The following C6 variants were observed in gnomAD, a reference collection of about 807,000 sequenced individuals.
The protein encoded by C6 is complement C6, also known as complement component C6.
C6 carries 101 observed loss-of-function variants against 112.9 expected under a neutral mutation model. The observed-to-expected ratio is 0.89, with a 90% CI of 0.76 to 1.06. The LOEUF (loss-of-function observed/expected upper bound fraction) is 1.06. Ranked by LOEUF, C6 falls within the 50% of genes least tolerant of loss-of-function variation. The pLI, the probability that C6 is intolerant of heterozygous loss-of-function variation, is 0.00. For missense variants in C6, 1,202 were observed against 1,104.6 expected (o/e 1.09, Z -1.25); for synonymous variants, 431 against 384.1 (o/e 1.12, Z -1.43).
intron 8 of C6, among the ~76,000 whole-genome samples, chr5:41,176,239 T>C (rs957216066): frequency 1.3e-5 from 2 of 152,220 alleles, no homozygotes; most frequent in Non-Finnish European, 2.9e-5. Flanking sequence ...GAGACAAATA[T>C]GATGCCTAAA....
Position 41,172,254 on chromosome 5 carries a change from G to A in C6, c.1262C>T (p.Thr421Ile), listed in dbSNP as rs1221246010. 6.2e-7 allele frequency: 1 copy of A among 1,613,632 alleles called. No individual in the cohort carries two copies. The highest frequency in any genetic ancestry group is 8.5e-7 in the Non-Finnish European group (1 of 1,179,690). Reference protein sequence around the residue: ...AKKTKVEHRCTTNKLSEKHEG... With the variant: ...AKKTKVEHRCITNKLSEKHEG... ...ATGTTTCTCTGACAGCTTGTTGGTG[G>A]TGCACCTATGTTCCACTTTTGTTTT... Residue 421 changes from threonine to isoleucine, a missense_variant, in exon 9 of 18, where the codon ACC (threonine) becomes ATC (isoleucine). Transcript: ENST00000337836.
chr5:41,183,784 G>A (rs527769578), intron 6 of C6, among the ~76,000 whole-genome samples: 2 of 152,292 alleles, frequency 1.3e-5, no homozygotes, highest in East Asian at 3.9e-4. Context: ...TATGTGCCAT[G>A]GAATACTAGC....
intron 1 of C6, among the ~76,000 whole-genome samples, chr5:41,210,809 C>T (rs1037212926): frequency 9.2e-5 from 14 of 152,096 alleles, no homozygotes; most frequent in Admixed American, 2.0e-4. Context: ...CTAGTTCAAC[C>T]ATTGTGGAAG....
At chr5:41,224,265 C>G (rs1580222898) in intron 1 of C6, among the ~76,000 whole-genome samples, 1 of 152,116 alleles carries the variant, frequency 6.6e-6, no homozygotes, top group African/African-American at 2.4e-5. Context: ...ACTTGCCATG[C>G]AATGCACCCA....
intron 5 of C6, among the ~76,000 whole-genome samples, chr5:41,191,066 GC>G (rs1750160277): frequency 3.2e-5 from 2 of 62,068 alleles, no homozygotes; most frequent in Admixed American, 1.9e-4. Context: ...GATGCCTTTG[GC>G]TTTTTTTTTT....
upstream of C6, among the ~76,000 whole-genome samples, chr5:41,215,148 C>T (rs1752154385): frequency 6.6e-6 from 1 of 151,708 alleles, no homozygotes; most frequent in Admixed American, 6.6e-5. Context: ...TTGTAAATAA[C>T]GTTTTATAGG....
At chr5:41,152,485 A>G (rs758728801) in intron 15 of C6, among the ~76,000 whole-genome samples, 17 of 152,180 alleles carry the variant, frequency 1.1e-4, no homozygotes, top group Non-Finnish European at 2.1e-4. Context: ...TTAATTGTCA[A>G]GGCAGGACTG....
At chr5:41,207,462 C>T (rs572779854) in intron 1 of C6, among the ~76,000 whole-genome samples, 18 of 152,048 alleles carry the variant, frequency 1.2e-4, no homozygotes, top group Admixed American at 3.9e-4. Context: ...GACCCATCAG[C>T]GTGCTGTATT....
At chr5:41,206,571 T>G (rs1025374788) in intron 1 of C6, among the ~76,000 whole-genome samples, 6 of 152,114 alleles carry the variant, frequency 3.9e-5, no homozygotes, top group South Asian at 4.1e-4. Flanking sequence ...AAGAACTACA[T>G]GACGCATGCA....
rs1274745629 is a variant in C6 at position 41,143,003 on chromosome 5, G to T, written c.2627C>A (p.Ser876Tyr). The change falls in exon 18 of 18, where the codon TCC becomes TAC. Residue 876 changes from serine to tyrosine, a missense_variant. Ser to Tyr is a moderately radical substitution (Grantham distance 144). Transcript: ENST00000337836. Reference sequence around the variant, plus strand: ...CAATAGGCAGACACATTTGGAAGTGGAGGCTGTAATGAGAGAGAGAGAGAC... The same window carrying T: ...CAATAGGCAGACACATTTGGAAGTGTAGGCTGTAATGAGAGAGAGAGAGAC... ...TCYDWEKCSA[S>Y]TSKCVCLLPP... is the part of the protein sequence containing the mutation. 1 of 1,613,232 alleles carries T rather than the reference G, an allele frequency of 6.2e-7. No individual in the cohort carries two copies. The highest frequency in any genetic ancestry group is 1.1e-5 in the South Asian group (1 of 91,060).
intron 17 of C6, among the ~76,000 whole-genome samples, chr5:41,146,229 T>C (rs1248049889): frequency 6.6e-6 from 1 of 152,186 alleles, no homozygotes; most frequent in Non-Finnish European, 1.5e-5. Flanking sequence ...ATACTTAATA[T>C]CTATAAAATA....
intron 17 of C6, among the ~76,000 whole-genome samples, chr5:41,148,430 A>G (rs1374620299): frequency 6.6e-6 from 1 of 152,186 alleles, no homozygotes; most frequent in East Asian, 1.9e-4. Flanking sequence ...TTCAAGACCC[A>G]GGGGCCAATT....
chr5:41,186,300 C>T lies in C6; in HGVS notation c.588-92G>A. 6.4e-6 allele frequency: 9 copies of T among 1,405,494 alleles called. No homozygotes were observed. The South Asian group carries it at 1.1e-4, about 17-fold the overall frequency. The allele number at this position is 1,405,494 out of a possible 1,614,324, so 87.1% of individuals were successfully genotyped here. A position where few individuals can be genotyped will look rare whatever the true frequency, so the allele number is the denominator to read the frequency against. On this transcript the variant is annotated intron_variant, in intron 5 of 17. Coordinates refer to ENST00000337836, the MANE Select transcript of C6 (RefSeq NM_000065.5). ...TATGAAAGGAATTCCTCTTCTAAACCTTTTTGCCTCAAGACAAATGACTTG... is the reference window on the plus strand; with the variant it reads ...TATGAAAGGAATTCCTCTTCTAAACTTTTTTGCCTCAAGACAAATGACTTG...
Position 41,182,241 on chromosome 5 carries a change from G to A in C6, c.727-682C>T, listed in dbSNP as rs77853485. Among the ~76,000 whole-genome samples, 1,384 of 150,252 alleles carry A rather than the reference G, an allele frequency of 9.2e-3. 30 individuals are homozygous for A. Among genetic ancestry groups the A allele is most frequent in the African/African-American group, 0.031 (1,269 of 40,944 alleles). ...TATCTGTCACTTTAAGAGTTGATGG[G>A]CAATATGTCACTTCCCCCCGCCCCT... On this transcript the variant is annotated intron_variant, in intron 6 of 17. Transcript: ENST00000337836.
In C6 at chr5:41,241,870, T is replaced by G. The variant is rs114789846; in HGVS notation, c.-21+19324A>C. Reference sequence around the variant, plus strand: ...ATTCACAATAGCAGCCAGCACAGTGTGAAAAGACAGCTGGTGGACCAGTGT... The same window carrying G: ...ATTCACAATAGCAGCCAGCACAGTGGGAAAAGACAGCTGGTGGACCAGTGT... On this transcript the variant is annotated intron_variant, in intron 1 of 17. Transcript: ENST00000263413. Among the ~76,000 whole-genome samples the G allele has an allele frequency of 9.5e-3, 1,442 of 152,246 alleles. 30 individuals carry two copies. Among genetic ancestry groups the G allele is most frequent in the African/African-American group, 0.033 (1,369 of 41,530 alleles).
chr5:41,236,843 GA>G (rs1005139926), intron 1 of C6, among the ~76,000 whole-genome samples: 9 of 127,728 alleles, frequency 7.0e-5, no homozygotes, highest in Admixed American at 5.6e-4. Context: ...GACTAATAAA[GA>G]AAAAAAGAGA....
intron 17 of C6, among the ~76,000 whole-genome samples, chr5:41,144,584 T>C (rs1745641411): frequency 6.6e-6 from 1 of 152,168 alleles, no homozygotes; most frequent in African/African-American, 2.4e-5. Context: ...CTCTTTTTTC[T>C]TTTTCTTAAC....
At chr5:41,202,422 G>A (rs565053179) in intron 2 of C6, among the ~76,000 whole-genome samples, 1 of 152,230 alleles carries the variant, frequency 6.6e-6, no homozygotes, top group South Asian at 2.1e-4. Context: ...GTTTATTGGG[G>A]AAGTAAATTG....
At chr5:41,183,283 A>G (rs1196609488) in intron 6 of C6, among the ~76,000 whole-genome samples, 1 of 152,218 alleles carries the variant, frequency 6.6e-6, no homozygotes, top group African/African-American at 2.4e-5. Flanking sequence ...ATCAATTTTG[A>G]GCAATTATAA....
Sources: allele counts gnomAD v4.1 joint callset (sites outside exome capture counted in the v4.1 genomes callset), GRCh38; gene constraint gnomAD v4.1.1; transcripts MANE v1.5; gene names NCBI Gene and HGNC (gene_info 2026-07-23, HGNC 2026-07-21).